NR1I2: variants seen among roughly 807,000 people sequenced by gnomAD.
NR1I2 encodes the protein orphan nuclear receptor PAR1.
NR1I2 carries 42 observed loss-of-function variants against 43.3 expected under a neutral mutation model. That is an observed-to-expected ratio of 0.97 (90% CI 0.76 to 1.26). The LOEUF (loss-of-function observed/expected upper bound fraction) is 1.26. NR1I2 is among the 50% of genes most tolerant of loss of function. The pLI is 0.00. For synonymous variants in NR1I2, 229 were observed against 215.0 expected, an observed-to-expected ratio of 1.06 and a Z score of -0.57; for missense variants, 559 against 566.7, an observed-to-expected ratio of 0.99 and a Z score of 0.14.
chr3:119,805,252 TG>T (rs554556405), intron 1 of NR1I2, among the ~76,000 whole-genome samples: 1 of 152,310 alleles, frequency 6.6e-6, no homozygotes, highest in East Asian at 1.9e-4. Flanking sequence ...TGGTTTGTTT[TG>T]TTTTGTTTTG....
chr3:119,798,980 T>C (rs115723191), intron 1 of NR1I2, among the ~76,000 whole-genome samples: 267 of 152,370 alleles, frequency 1.8e-3, no homozygotes, highest in African/African-American at 6.0e-3. Flanking sequence ...TTTTGGGCTA[T>C]TATGAATAAT....
intron 1 of NR1I2, among the ~76,000 whole-genome samples, chr3:119,794,492 CTT>C (rs35100139): frequency 1.8e-4 from 25 of 136,154 alleles, no homozygotes; most frequent in South Asian, 7.1e-4. Context: ...CTCACCCAGC[CTT>C]TTTTTTTTTT....
In NR1I2 at chr3:119,817,663, T is replaced by A. The variant is rs1425533101; in HGVS notation, c.*451T>A. On this transcript the variant is annotated 3_prime_UTR_variant, in exon 9 of 9. Transcript: ENST00000393716. ...CATTGCTACCTCTAATAGTCCTGTC[T>A]CCCACTTCCCACTCGTTCCCCTCCT... The A allele has an allele frequency of 8.9e-7, 1 of 1,118,160 alleles. No homozygotes were observed. The allele number at this position is 1,118,160 out of a possible 1,614,324, so 69.3% of individuals were successfully genotyped here. A position where few individuals can be genotyped will look rare whatever the true frequency, so the allele number is the denominator to read the frequency against.
At position 119,809,954 on chromosome 3, in the gene NR1I2, C is replaced by G. The variant is rs989655032; in HGVS notation, c.198-107C>G. The G allele has an allele frequency of 3.4e-6, 5 of 1,451,160 alleles. No individual in the cohort carries two copies. In the African/African-American group the frequency reaches 7.0e-5, roughly 20 times the overall value. 89.9% of individuals were successfully genotyped at this position (1,451,160 alleles called of 1,614,324 possible). A position where few individuals can be genotyped will look rare whatever the true frequency, so the allele number is the denominator to read the frequency against. ...CTGGGACGCAAAGGCTAGTGTCCCCCTCCCCGAGTCGGTAGGGGCTGGGGA... is the reference window on the plus strand; with the variant it reads ...CTGGGACGCAAAGGCTAGTGTCCCCGTCCCCGAGTCGGTAGGGGCTGGGGA... On this transcript the variant is annotated intron_variant, in intron 2 of 8. Transcript: ENST00000393716.
rs777564852 is a variant in NR1I2, at chr3:119,812,903, T to G, written c.737T>G (p.Met246Arg). The G allele has an allele frequency of 1.9e-6, 3 of 1,613,950 alleles. No individual in the cohort carries two copies. The highest frequency in any genetic ancestry group is 2.7e-5 in the African/African-American group (2 of 74,914). The change falls in exon 5 of 9, where the codon ATG (methionine) becomes AGG (arginine). Residue 246 changes from methionine (M) to arginine (R), a missense_variant. Met to Arg is a moderately conservative substitution (Grantham distance 91). Coordinates refer to ENST00000393716, the MANE Select transcript of NR1I2 (RefSeq NM_003889.4). ...TCCCTGCTGCCCCACATGGCTGACA[T>G]GTCAACCTACATGTTCAAAGGCATC...
chr3:119,807,031 T>A (rs2055169833), intron 1 of NR1I2, among the ~76,000 whole-genome samples, 198 bp from the exon 2 acceptor site: 1 of 152,208 alleles, frequency 6.6e-6, no homozygotes, highest in African/African-American at 2.4e-5. Context: ...TCTATTTTTG[T>A]GTACAAAATG....
chr3:119,791,960 C>T, intron 1 of NR1I2: 1 of 686,254 alleles, frequency 1.5e-6, no homozygotes, highest in Non-Finnish European at 2.7e-6. Context: ...GAGTACAGGA[C>T]ATTGTGGTAG....
intron 1 of NR1I2, among the ~76,000 whole-genome samples, chr3:119,804,207 TA>T (rs978085185): frequency 2.0e-5 from 3 of 149,506 alleles, no homozygotes; most frequent in Non-Finnish European, 1.5e-5. Context: ...CTGTCTCTAC[TA>T]AAAAAAATAC....
chr3:119,815,045 A>G lies in NR1I2; in HGVS notation c.861A>G (p.Arg287=). 1.2e-6 allele frequency: 2 copies of G among 1,614,080 alleles called. No homozygotes were observed. Among genetic ancestry groups the G allele is most frequent in the Non-Finnish European group, 1.7e-6 (2 of 1,179,994 alleles). The change falls in exon 6 of 9, where the codon AGA becomes AGG. Residue 287 remains arginine (R), a synonymous_variant. Transcript: ENST00000393716. ...CCGCTTTCGAGCTGTGTCAACTGAG[A>G]TTCAACACAGTGTTCAACGCGGAGA...
chr3:119,793,789 A>G (rs1319755280), intron 1 of NR1I2, among the ~76,000 whole-genome samples: 1 of 152,228 alleles, frequency 6.6e-6, no homozygotes, highest in Non-Finnish European at 1.5e-5. Flanking sequence ...AAGGGTGCAG[A>G]CATCTTTGAG....
intron 2 of NR1I2, 143 bp downstream of exon 2, chr3:119,807,590 C>A (rs940989339): frequency 2.9e-6 from 2 of 698,920 alleles, no homozygotes; most frequent in Admixed American, 2.1e-5. Context: ...CTCAAGGGAG[C>A]CATTTATATC....
At chr3:119,797,606 A>G (rs996773005) in intron 1 of NR1I2, among the ~76,000 whole-genome samples, 15 of 152,244 alleles carry the variant, frequency 9.9e-5, no homozygotes, top group Non-Finnish European at 7.3e-5. Flanking sequence ...ACACAGATAC[A>G]TACATACATA....
At position 119,817,923 on chromosome 3, in the gene NR1I2, C is replaced by G; in HGVS notation, c.*711C>G. ...TACAGCATTGACTCAGATATAGATC[C>G]TGAGCTCACAGAGTTTATAGTTAAA... On this transcript the variant is annotated 3_prime_UTR_variant, in exon 9 of 9. Coordinates refer to ENST00000393716, the MANE Select transcript of NR1I2 (RefSeq NM_003889.4). 1.0e-6 allele frequency: 1 copy of G among 983,636 alleles called. No individual in the cohort carries two copies. Among genetic ancestry groups the G allele is most frequent in the Non-Finnish European group, 1.2e-6 (1 of 828,388 alleles). The allele number at this position is 983,636 out of a possible 1,614,324, so 60.9% of individuals were successfully genotyped here. A position where few individuals can be genotyped will look rare whatever the true frequency, so the allele number is the denominator to read the frequency against.
intron 4 of NR1I2, among the ~76,000 whole-genome samples, chr3:119,812,372 G>A (rs2055256151): frequency 6.6e-6 from 1 of 152,082 alleles, no homozygotes; most frequent in South Asian, 2.1e-4. Context: ...CCAACATCTG[G>A]AATGCTTGGG....
intron 3 of NR1I2, chr3:119,811,318 G>T (rs1356423610): frequency 2.8e-4 from 150 of 541,700 alleles, no homozygotes; most frequent in Non-Finnish European, 7.9e-5. Flanking sequence ...ACTGCAGAGG[G>T]CAAAACACCA....
In NR1I2 at chr3:119,817,173, G is replaced by A. The variant is rs370184853; in HGVS notation, c.1266G>A (p.Thr422=). The A allele has an allele frequency of 9.0e-5, 146 of 1,613,960 alleles. No homozygotes were observed. The highest frequency in any genetic ancestry group is 1.6e-4 in the Middle Eastern group (1 of 6,084). The change falls in exon 9 of 9, where the codon ACG becomes ACA. Residue 422 remains threonine, a synonymous_variant. Transcript: ENST00000393716. The stretch of plus-strand genomic sequence containing the variant: ...TCCAGGACATACACCCCTTTGCTAC[G>A]CCCCTCATGCAGGAGTTGTTCGGCA...
chr3:119,795,768 T>G (rs2054990630), intron 1 of NR1I2, among the ~76,000 whole-genome samples: 1 of 152,250 alleles, frequency 6.6e-6, no homozygotes, highest in African/African-American at 2.4e-5. Context: ...GCTTCTCTCC[T>G]GTAGATCATC....
chr3:119,796,089 C>T (rs2054995198), intron 1 of NR1I2, among the ~76,000 whole-genome samples: 1 of 152,194 alleles, frequency 6.6e-6, no homozygotes, highest in Non-Finnish European at 1.5e-5. Flanking sequence ...TCTCTTTAGT[C>T]CTCCTCTTCC....
chr3:119,790,251 T>A (rs372098579), intron 1 of NR1I2, among the ~76,000 whole-genome samples: 6 of 152,188 alleles, frequency 3.9e-5, no homozygotes, highest in Non-Finnish European at 7.3e-5. Flanking sequence ...TCCTTTTTTT[T>A]AAGGCTGACT....
Sources: gnomAD v4.1 joint callset for allele counts (sites outside exome capture counted in the v4.1 genomes callset) on GRCh38, gnomAD v4.1.1 for gene constraint, MANE v1.5 for transcripts, NCBI Gene and HGNC (gene_info 2026-07-23, HGNC 2026-07-21) for gene names.